Variants in PER2 observed in about 807,000 individuals in gnomAD.
PER2 encodes period circadian protein homolog 2.
PER2 carries 66 observed loss-of-function variants against 121.0 expected under a neutral mutation model. That is an observed-to-expected ratio of 0.55 (90% CI 0.45 to 0.67). The LOEUF (loss-of-function observed/expected upper bound fraction) is 0.67. PER2 is among the 30% of genes least tolerant of loss of function. The probability of loss-of-function intolerance (pLI) is 0.00; values close to 1 mark genes in which losing one functional copy is unlikely to be tolerated. For missense variants in PER2, 1,521 were observed against 1,635.0 expected, an observed-to-expected ratio of 0.93 and a Z score of 1.20; for synonymous variants, 684 against 659.9, an observed-to-expected ratio of 1.04 and a Z score of -0.56.
At chr2:238,265,857 C>T (rs967479239) in intron 8 of PER2, among the ~76,000 whole-genome samples, 7 of 151,602 alleles carry the variant, frequency 4.6e-5, no homozygotes, top group Non-Finnish European at 7.4e-5. Flanking sequence ...ACACGGACCA[C>T]GTAAAGACTA....
At chr2:238,291,095 A>T (rs1278366120), upstream of PER2, among the ~76,000 whole-genome samples, 5 of 152,208 alleles carry the variant, frequency 3.3e-5, no homozygotes, top group African/African-American at 1.2e-4. Flanking sequence ...GGATAGGGGA[A>T]TTGCTGTTGG....
Position 238,251,708 on chromosome 2 carries a change from G to T in PER2, c.3165C>A (p.Gly1055=). The change falls in exon 20 of 23, where the codon GGC becomes GGA. Residue 1055 remains glycine, a synonymous_variant. Coordinates refer to ENST00000254657, the MANE Select transcript of PER2 (RefSeq NM_022817.3). The part of the protein sequence containing the change: ...QNSDALSTSS[G]LLNLLLNEDL... ...CCTCATTCAGCAGGAGGTTTAGGAG[G>T]CCGCTTGACGTGGAAAGGGCGTCAC... The T allele has an allele frequency of 6.2e-7, 1 of 1,614,054 alleles. No homozygotes were observed. Among genetic ancestry groups the T allele is most frequent in the Non-Finnish European group, 8.5e-7 (1 of 1,179,912 alleles).
intron 1 of PER2, among the ~76,000 whole-genome samples, chr2:238,279,380 G>A (rs1454150654): frequency 6.6e-6 from 1 of 152,156 alleles, no homozygotes; most frequent in Admixed American, 6.5e-5. Flanking sequence ...ATCGTTCTAC[G>A]GAGCAGCCAA....
Position 238,245,583 on chromosome 2 carries a change from C to G in PER2, c.*792G>C, listed in dbSNP as rs1695424641. The G allele has an allele frequency of 7.5e-6, 3 of 398,514 alleles. No homozygotes were observed. The highest frequency in any genetic ancestry group is 1.3e-5 in the Non-Finnish European group (3 of 226,088). 24.7% of individuals were successfully genotyped at this position (398,514 alleles called of 1,614,324 possible). On this transcript the variant is annotated 3_prime_UTR_variant, in exon 23 of 23. Transcript: ENST00000254657. ...AAGGGAAGTCACCATAAAGAGATGA[C>G]TGATGACATATTTTAATCTCCATAT... is the stretch of plus-strand genomic sequence containing the variant.
At chr2:238,294,271 G>C (rs1266606783), upstream of PER2, among the ~76,000 whole-genome samples, 1 of 152,220 alleles carries the variant, frequency 6.6e-6, no homozygotes, top group Non-Finnish European at 1.5e-5. Context: ...TGTTGCCTCA[G>C]TGTGGTTCTG....
In PER2 at chr2:238,252,985, G is replaced by A; in HGVS notation, c.3038C>T (p.Thr1013Ile). ...GTGAMGTTGATETAAVGADCK... is the reference protein window; with the variant it reads ...GTGAMGTTGAIETAAVGADCK... ...GTCCGCCCCTACAGCTGCTGTCTCT[G>A]TGGCCCCTGTGGTCCCCATGGCTCC... Residue 1013 changes from threonine to isoleucine, a missense_variant, in exon 19 of 23, where the codon ACA becomes ATA. Thr to Ile is a moderately conservative substitution (Grantham distance 89, BLOSUM62 -1). Coordinates refer to ENST00000254657, the MANE Select transcript of PER2 (RefSeq NM_022817.3). The surrounding 1 kb of genome is among the most constrained non-coding windows in gnomAD (Gnocchi z 4.2). 1 of 1,614,020 alleles carries A rather than the reference G, an allele frequency of 6.2e-7. No homozygotes were observed.
At chr2:238,295,223 GTTC>G in the PER2 span, among the ~76,000 whole-genome samples, 23,106 of 151,928 alleles carry the variant, frequency 0.15, 2,187 homozygotes, top group African/African-American at 0.26. Context: ...TGTTGTTGTT[GTTC>G]TTCTTCTTCT....
chr2:238,254,106 G>A, intron 18 of PER2: 1 of 263,426 alleles, frequency 3.8e-6, no homozygotes, highest in Non-Finnish European at 7.3e-6. Flanking sequence ...GAGAGCCACT[G>A]ACCTCCTCTA....
At chr2:238,281,827 T>C (rs982150900) in intron 1 of PER2, among the ~76,000 whole-genome samples, 21 of 152,200 alleles carry the variant, frequency 1.4e-4, no homozygotes, top group Admixed American at 1.4e-3. Flanking sequence ...ACATTTATAA[T>C]CTGCATACTC....
chr2:238,251,792 C>T (rs1345180072), intron 19 of PER2, 31 bp from the exon 20 acceptor site: 2 of 1,249,252 alleles, frequency 1.6e-6, no homozygotes, highest in Non-Finnish European at 2.2e-6. Context: ...TACTGCTGTT[C>T]AGGGGCTCAG....
intron 22 of PER2, 117 bp downstream of exon 22, chr2:238,248,945 G>A (rs780644823): frequency 2.3e-5 from 27 of 1,157,466 alleles, no homozygotes; most frequent in South Asian, 6.1e-5. Flanking sequence ...GTGAGCCACC[G>A]CGCCCGGCCT....
intron 4 of PER2, among the ~76,000 whole-genome samples, chr2:238,273,882 G>C (rs1341033833): frequency 1.3e-5 from 2 of 152,182 alleles, no homozygotes; most frequent in Admixed American, 1.3e-4. Context: ...TGGCCAGGAT[G>C]GTCTCGATCT....
In PER2 at chr2:238,255,718, A is replaced by G. The variant is rs753826084; in HGVS notation, c.2259T>C (p.Ile753=). The change falls in exon 18 of 23, where the codon ATT becomes ATC. Residue 753 remains isoleucine (I), a synonymous_variant. Coordinates refer to ENST00000254657, the MANE Select transcript of PER2 (RefSeq NM_022817.3). ...AGTAGTAATGGCAGTGGGACTGGAAAATGCTGAGTTTTCTTATTTCTTTGA... is the reference window on the plus strand; with the variant it reads ...AGTAGTAATGGCAGTGGGACTGGAAGATGCTGAGTTTTCTTATTTCTTTGA... ...QKFKEIRKLS[I]FQSHCHYYLQ... The G allele has an allele frequency of 2.5e-6, 4 of 1,614,086 alleles. No homozygotes were observed. The South Asian group carries it at 3.3e-5, about 13-fold the overall frequency.
chr2:238,295,862 G>T, the PER2 span: 1 of 200,584 alleles, frequency 5.0e-6, no homozygotes, highest in South Asian at 6.8e-5. Context: ...GGTGCACAGA[G>T]GAAAAACGGG....
chr2:238,273,338 A>C (rs1215747404), intron 4 of PER2, 147 bp from the exon 5 acceptor site: 1 of 839,734 alleles, frequency 1.2e-6, no homozygotes, highest in Non-Finnish European at 1.9e-6. Flanking sequence ...GAACATACGG[A>C]AACGTGAAGG....
intron 8 of PER2, among the ~76,000 whole-genome samples, chr2:238,266,170 T>C (rs977234768): frequency 6.6e-6 from 1 of 152,200 alleles, no homozygotes; most frequent in African/African-American, 2.4e-5. Context: ...CCCAAAGTGC[T>C]GGGACTACAG....
At chr2:238,280,010 C>T (rs1224649209) in intron 1 of PER2, among the ~76,000 whole-genome samples, 2 of 152,230 alleles carry the variant, frequency 1.3e-5, no homozygotes, top group Non-Finnish European at 2.9e-5. Context: ...CGTGAGGAAG[C>T]TGTGGGAGAA....
At chr2:238,251,531 G>GT in intron 20 of PER2, 68 bp downstream of exon 20, 1 of 1,436,558 alleles carries the variant, frequency 7.0e-7, no homozygotes, top group Non-Finnish European at 9.8e-7. Flanking sequence ...AGGCCGGCCT[G>GT]TGACTCTGGA....
chr2:238,282,818 A>G (rs1288828480), intron 1 of PER2, among the ~76,000 whole-genome samples: 1 of 152,226 alleles, frequency 6.6e-6, no homozygotes, highest in East Asian at 1.9e-4. Flanking sequence ...GTGGGAATTG[A>G]GGGGCTGGGA....
Sources: gnomAD v4.1 joint callset for allele counts (sites outside exome capture counted in the v4.1 genomes callset) on GRCh38, gnomAD v4.1.1 for gene constraint, Gnocchi (gnomAD v3.1) non-coding constraint, MANE v1.5 for transcripts, NCBI Gene and HGNC (gene_info 2026-07-23, HGNC 2026-07-21) for gene names.